Variants in PRDM8 observed in about 807,000 individuals in gnomAD.
The protein encoded by PRDM8 is PR domain zinc finger protein 8.
Under a neutral mutation model 46.5 loss-of-function variants are expected in PRDM8, and 13 were observed. That is an observed-to-expected ratio of 0.28 (90% CI 0.18 to 0.44). The LOEUF (loss-of-function observed/expected upper bound fraction) is 0.44. Among genes scored for constraint, PRDM8 ranks in the 20% least tolerant of loss-of-function variants. PRDM8 has a pLI of 1.00. For synonymous variants in PRDM8, 473 were observed against 438.4 expected (o/e 1.08, Z -0.98); for missense variants, 998 against 955.0 (o/e 1.04, Z -0.59).
At chr4:80,194,335 G>A (rs1488133839), upstream of PRDM8, 11 of 554,462 alleles carry the variant, frequency 2.0e-5, no homozygotes, top group Non-Finnish European at 2.3e-5. Context: ...TAAACCCATT[G>A]TTCCATATGA....
intron 1 of PRDM8, among the ~76,000 whole-genome samples, chr4:80,198,218 C>T (rs1738117290): frequency 6.6e-6 from 1 of 152,258 alleles, no homozygotes; most frequent in Admixed American, 6.5e-5. Flanking sequence ...GCTGCGACTC[C>T]GACCGCTATT....
intron 1 of PRDM8, among the ~76,000 whole-genome samples, chr4:80,187,252 G>GGT (rs1553903072): frequency 7.1e-6 from 1 of 141,486 alleles, no homozygotes; most frequent in African/African-American, 2.6e-5. Flanking sequence ...CCTGGGGCGG[G>GGT]GGGAAGCAGA....
chr4:80,199,703 A>ATG (rs1439070378), intron 1 of PRDM8, among the ~76,000 whole-genome samples: 1 of 72,650 alleles, frequency 1.4e-5, no homozygotes, highest in African/African-American at 8.8e-5. Flanking sequence ...ATGTATATAT[A>ATG]TATATATGTG....
chr4:80,185,698 C>T (rs1408542362), intron 1 of PRDM8, among the ~76,000 whole-genome samples: 3 of 152,192 alleles, frequency 2.0e-5, no homozygotes, highest in African/African-American at 7.2e-5. Flanking sequence ...GGCGCACCTG[C>T]AATACGGATG....
In PRDM8 at chr4:80,202,982, C is replaced by T; in HGVS notation, c.1520C>T (p.Ser507Phe). 6.6e-7 allele frequency: 1 copy of T among 1,505,388 alleles called. No homozygotes were observed. The highest frequency in any genetic ancestry group is 8.8e-7 in the Non-Finnish European group (1 of 1,135,596). 93.3% of individuals were successfully genotyped at this position (1,505,388 alleles called of 1,614,324 possible). A position where few individuals can be genotyped will look rare whatever the true frequency, so the allele number is the denominator to read the frequency against. ...RKSAFSQPAR[S>F]FSQLSPLVLG... ...AGCGCCTTCTCGCAGCCAGCACGCT[C>T]TTTCTCGCAGCTGTCCCCGCTGGTG... Residue 507 changes from serine (S) to phenylalanine (F), a missense_variant, in exon 4 of 4, where the codon TCT becomes TTT. Physicochemically the swap from Ser to Phe is radical, Grantham distance 155. Coordinates refer to ENST00000415738, the MANE Select transcript of PRDM8 (RefSeq NM_001099403.2).
chr4:80,201,676 A>G (rs1738463475), intron 3 of PRDM8, among the ~76,000 whole-genome samples, 155 bp downstream of exon 3: 1 of 152,182 alleles, frequency 6.6e-6, no homozygotes, highest in Admixed American at 6.5e-5. Flanking sequence ...AGTTAAACAG[A>G]TAGGTGAGGA....
In PRDM8 at chr4:80,203,568, G is replaced by A. The variant is rs1474710409; in HGVS notation, c.*36G>A. On this transcript the variant is annotated 3_prime_UTR_variant, in exon 4 of 4. Transcript: ENST00000415738. ...ACCCCAGCTTTCCACGCGCGCGCAA[G>A]CACAGTTAAGCCACCTGCAGGAATA... 2 of 1,562,228 alleles carry A rather than the reference G, an allele frequency of 1.3e-6. No homozygotes were observed. Among genetic ancestry groups the A allele is most frequent in the African/African-American group, 2.7e-5 (2 of 73,798 alleles).
chr4:80,187,550 G>A (rs57130974), intron 1 of PRDM8, among the ~76,000 whole-genome samples: 225 of 152,224 alleles, frequency 1.5e-3, no homozygotes, highest in African/African-American at 5.1e-3. Context: ...AATTTCCAAG[G>A]TTTGGGGGAT....
chr4:80,196,178 C>A, upstream of PRDM8: 1 of 917,854 alleles, frequency 1.1e-6, no homozygotes, highest in Non-Finnish European at 1.3e-6. Flanking sequence ...CTAGGAAAAA[C>A]AACAACGAGG....
Position 80,203,205 on chromosome 4 carries a change from C to T in PRDM8, c.1743C>T (p.Phe581=), listed in dbSNP as rs531301952. 1.1e-5 allele frequency: 17 copies of T among 1,552,240 alleles called. No homozygotes were observed. The highest frequency in any genetic ancestry group is 1.4e-5 in the African/African-American group (1 of 73,170). The change falls in exon 4 of 4, where the codon TTC becomes TTT. Residue 581 remains phenylalanine (F), a synonymous_variant. Transcript: ENST00000415738. ...KQSPFLYATA[F]WPKSSAAAAA... is the part of the protein sequence containing the mutation. ...GCCCCTTCCTGTACGCCACCGCCTT[C>T]TGGCCCAAGAGCTCCGCTGCCGCTG...
chr4:80,187,681 G>C (rs962697290), intron 1 of PRDM8, among the ~76,000 whole-genome samples: 3 of 152,090 alleles, frequency 2.0e-5, no homozygotes, highest in African/African-American at 7.2e-5. Flanking sequence ...TTTGCTCCGC[G>C]TCTGTTGTTG....
chr4:80,203,187 C>T lies in PRDM8; in HGVS notation c.1725C>T (p.Phe575=), dbSNP rs756520528. The change falls in exon 4 of 4, where the codon TTC becomes TTT. Residue 575 remains phenylalanine (F), a synonymous_variant. Coordinates refer to ENST00000415738, the MANE Select transcript of PRDM8 (RefSeq NM_001099403.2). ...GCGGCCTGCCTAAGCAGAGCCCCTT[C>T]CTGTACGCCACCGCCTTCTGGCCCA... ...GGGGLPKQSP[F]LYATAFWPKS... is the part of the protein sequence containing the mutation. The T allele has an allele frequency of 7.1e-6, 11 of 1,550,428 alleles. No individual in the cohort carries two copies. In the Admixed American group the frequency reaches 1.9e-4, roughly 27 times the overall value.
Position 80,202,521 on chromosome 4 carries a change from G to A in PRDM8, c.1059G>A (p.Gln353=). The A allele has an allele frequency of 6.6e-7, 1 of 1,524,918 alleles. No individual in the cohort carries two copies. The highest frequency in any genetic ancestry group is 8.8e-7 in the Non-Finnish European group (1 of 1,139,736). The allele number at this position is 1,524,918 out of a possible 1,614,324, so 94.5% of individuals were successfully genotyped here. A position where few individuals can be genotyped will look rare whatever the true frequency, so the allele number is the denominator to read the frequency against. ...AGGAGGATCTGGTGTGCACACCGCA[G>A]CAGTACCGAGCCTCGGGCAGCTACT... The part of the protein sequence containing the change: ...ASKEDLVCTP[Q]QYRASGSYFG... The change falls in exon 4 of 4, where the codon CAG becomes CAA. Residue 353 remains glutamine, a synonymous_variant. Coordinates refer to ENST00000415738, the MANE Select transcript of PRDM8 (RefSeq NM_001099403.2).
intron 1 of PRDM8, among the ~76,000 whole-genome samples, chr4:80,191,197 G>A (rs551662929): frequency 6.6e-6 from 1 of 152,270 alleles, no homozygotes; most frequent in South Asian, 2.1e-4. Context: ...TGCTGCCTTT[G>A]ACAACATTCA....
Position 80,203,897 on chromosome 4 carries a change from A to C in PRDM8, c.*365A>C, listed in dbSNP as rs1738788895. 6.0e-6 allele frequency: 1 copy of C among 167,618 alleles called. No homozygotes were observed. The highest frequency in any genetic ancestry group is 1.3e-5 in the Non-Finnish European group (1 of 77,220). The allele number at this position is 167,618 out of a possible 1,614,324, so 10.4% of individuals were successfully genotyped here. On this transcript the variant is annotated 3_prime_UTR_variant, in exon 4 of 4. Transcript: ENST00000415738. ...TTTTTAAAATGTCATATATTGCAAC[A>C]TATTGATGCATTTGTCATACGTTTC... is the stretch of plus-strand genomic sequence containing the variant.
At chr4:80,200,004 G>T in intron 1 of PRDM8, 75 bp from the exon 2 acceptor site, 2 of 1,222,730 alleles carry the variant, frequency 1.6e-6, no homozygotes, top group Non-Finnish European at 2.4e-6. Flanking sequence ...CTAGTATTTG[G>T]ACAGTTCTGC....
chr4:80,203,086 G>A lies in PRDM8; in HGVS notation c.1624G>A (p.Ala542Thr). ...VGPTRLYPAA[A>T]DPLAVKLQGA... Reference sequence around the variant, plus strand: ...CCCCACCAGACTCTATCCCGCCGCCGCGGACCCTCTAGCGGTGAAGCTCCA... The same window carrying A: ...CCCCACCAGACTCTATCCCGCCGCCACGGACCCTCTAGCGGTGAAGCTCCA... The change falls in exon 4 of 4, where the codon GCG becomes ACG. Residue 542 changes from alanine (A) to threonine (T), a missense_variant. Ala to Thr is a moderately conservative substitution (Grantham distance 58, BLOSUM62 0). Coordinates refer to ENST00000415738, the MANE Select transcript of PRDM8 (RefSeq NM_001099403.2). 1.3e-6 allele frequency: 2 copies of A among 1,569,604 alleles called. No homozygotes were observed. The highest frequency in any genetic ancestry group is 1.7e-6 in the Non-Finnish European group (2 of 1,166,946).
At chr4:80,201,254 T>C in intron 2 of PRDM8, 36 bp from the exon 3 acceptor site, 2 of 1,584,398 alleles carry the variant, frequency 1.3e-6, no homozygotes, top group Non-Finnish European at 1.7e-6. Context: ...TCTCCCCCTC[T>C]CCTTCTTGTC....
At position 80,202,323 on chromosome 4, in the gene PRDM8, C is replaced by T. The variant is rs768031665; in HGVS notation, c.861C>T (p.Ser287=). 1.2e-6 allele frequency: 2 copies of T among 1,607,058 alleles called. No homozygotes were observed. The highest frequency in any genetic ancestry group is 1.7e-5 in the Admixed American group (1 of 59,564). ...CSPAQSLSSG[S]GSGGGGGHQE... ...CAGCCCAGAGCCTCAGCAGCGGTAG[C>T]GGCAGCGGCGGCGGCGGCGGCCACC... Residue 287 remains serine (S), a synonymous_variant, in exon 4 of 4, where the codon AGC becomes AGT. Coordinates refer to ENST00000415738, the MANE Select transcript of PRDM8 (RefSeq NM_001099403.2).
Sources: gnomAD v4.1 joint callset for allele counts (sites outside exome capture counted in the v4.1 genomes callset) on GRCh38, gnomAD v4.1.1 for gene constraint, MANE v1.5 for transcripts, NCBI Gene and HGNC (gene_info 2026-07-23, HGNC 2026-07-21) for gene names.